The following IL1RAPL2 variants were observed in gnomAD, a reference collection of about 807,000 sequenced individuals.
The protein encoded by IL1RAPL2 is X-linked interleukin-1 receptor accessory protein-like 2.
Under a neutral mutation model 44.1 loss-of-function variants are expected in IL1RAPL2, and 3 were observed. That is an observed-to-expected ratio of 0.07 (90% CI 0.03 to 0.18). The LOEUF is 0.18. Ranked by LOEUF, IL1RAPL2 falls within the 10% of genes least tolerant of loss-of-function variation. The pLI is 1.00. For synonymous variants in IL1RAPL2, 181 were observed against 178.8 expected (o/e 1.01, Z -0.10); for missense variants, 391 against 496.4 (o/e 0.79, Z 2.02).
At chrX:105,369,396 C>T (rs1301407182) in intron 5 of IL1RAPL2, among the ~76,000 whole-genome samples, 1 of 110,679 alleles carries the variant, frequency 9.0e-6, no homozygotes, top group African/African-American at 3.3e-5. Context: ...ATTGGATTCC[C>T]CCAAATTAGA....
intron 2 of IL1RAPL2, among the ~76,000 whole-genome samples, chrX:105,028,540 G>A (rs976592641): frequency 9.0e-6 from 1 of 111,007 alleles, no homozygotes; most frequent in Non-Finnish European, 1.9e-5. Flanking sequence ...TTGCATTTTT[G>A]TATTAGGAAC....
chrX:104,703,137 T>A (rs1931306008), intron 2 of IL1RAPL2, among the ~76,000 whole-genome samples: 1 of 111,475 alleles, frequency 9.0e-6, no homozygotes, highest in Non-Finnish European at 1.9e-5. Flanking sequence ...AGGATGCTGG[T>A]CTAGCCTAGG....
intron 3 of IL1RAPL2, among the ~76,000 whole-genome samples, chrX:105,200,913 ACC>A (rs2033711885): frequency 9.2e-6 from 1 of 108,894 alleles, no homozygotes; most frequent in South Asian, 3.9e-4. Context: ...TCCGTTTCAC[ACC>A]CACACACACA....
intron 6 of IL1RAPL2, among the ~76,000 whole-genome samples, chrX:105,579,574 C>G (rs779016568): frequency 7.2e-5 from 8 of 111,206 alleles, no homozygotes; most frequent in Non-Finnish European, 1.5e-4. Context: ...CTACTAACAA[C>G]CACTGAGACT....
chrX:105,626,451 T>C (rs775387491), intron 6 of IL1RAPL2, among the ~76,000 whole-genome samples: 32 of 111,464 alleles, frequency 2.9e-4, no homozygotes, highest in South Asian at 1.1e-3. Context: ...CCTAGAGAGA[T>C]GGAAAACAGA....
At chrX:105,073,435 A>T (rs1380096740) in intron 2 of IL1RAPL2, among the ~76,000 whole-genome samples, 11 of 110,315 alleles carry the variant, frequency 1.0e-4, no homozygotes, top group African/African-American at 3.6e-4. Context: ...TTCTAAATCC[A>T]GTCTATCATT....
At chrX:105,619,219 G>A (rs2037402158) in intron 6 of IL1RAPL2, among the ~76,000 whole-genome samples, 1 of 107,093 alleles carries the variant, frequency 9.3e-6, no homozygotes, top group African/African-American at 3.4e-5. Flanking sequence ...AAAGGGTATG[G>A]AAAAGGCCTG....
At chrX:105,108,653 T>TA (rs200334677) in intron 2 of IL1RAPL2, among the ~76,000 whole-genome samples, 3 of 109,267 alleles carry the variant, frequency 2.7e-5, no homozygotes, top group Non-Finnish European at 5.7e-5. Context: ...GTTCTGTCAT[T>TA]TTTTGCACCA....
At chrX:104,585,321 T>A (rs1296809929) in intron 1 of IL1RAPL2, among the ~76,000 whole-genome samples, 9 of 19,327 alleles carry the variant, frequency 4.7e-4, no homozygotes, top group East Asian at 3.8e-3. Context: ...TAATATATAT[T>A]ATATATAATA....
chrX:105,101,883 C>G (rs750238163), intron 2 of IL1RAPL2, among the ~76,000 whole-genome samples: 1 of 111,990 alleles, frequency 8.9e-6, no homozygotes, highest in Non-Finnish European at 1.9e-5. Flanking sequence ...GTTTCAAAAT[C>G]AGTTATTGCC....
At chrX:104,918,356 G>A (rs1325916321) in intron 2 of IL1RAPL2, among the ~76,000 whole-genome samples, 2 of 111,085 alleles carry the variant, frequency 1.8e-5, no homozygotes, top group Admixed American at 9.6e-5. Context: ...GTATACTTTA[G>A]GTATCCTCAT....
intron 6 of IL1RAPL2, among the ~76,000 whole-genome samples, chrX:105,592,101 T>G (rs1022412544): frequency 8.9e-6 from 1 of 112,083 alleles, no homozygotes; most frequent in Non-Finnish European, 1.9e-5. Context: ...GGTGCTCCTG[T>G]GTTGGATGGA....
intron 2 of IL1RAPL2, among the ~76,000 whole-genome samples, chrX:105,071,437 A>G (rs56673844): frequency 0.016 from 1,842 of 111,687 alleles, 41 homozygotes; most frequent in African/African-American, 0.057. Flanking sequence ...AAATAGCCAT[A>G]GTACCCAAAG....
At chrX:104,882,431 T>C in intron 2 of IL1RAPL2, among the ~76,000 whole-genome samples, 1 of 112,270 alleles carries the variant, frequency 8.9e-6, no homozygotes, top group Non-Finnish European at 1.9e-5. Flanking sequence ...CTATGCCTTT[T>C]AACAATAACT....
At chrX:105,360,100 A>T (rs1253508594) in intron 5 of IL1RAPL2, among the ~76,000 whole-genome samples, 2 of 110,925 alleles carry the variant, frequency 1.8e-5, no homozygotes, top group Non-Finnish European at 3.8e-5. Flanking sequence ...CTATTACTAT[A>T]CTTAACTATT....
At chrX:104,911,622 C>T (rs1924240051) in intron 2 of IL1RAPL2, among the ~76,000 whole-genome samples, 1 of 111,787 alleles carries the variant, frequency 8.9e-6, no homozygotes, top group Admixed American at 9.5e-5. Flanking sequence ...TACTGCAGTA[C>T]TTTTAAAATG....
chrX:105,439,643 T>C (rs1382082252), intron 5 of IL1RAPL2, among the ~76,000 whole-genome samples: 8 of 111,407 alleles, frequency 7.2e-5, no homozygotes, highest in African/African-American at 2.6e-4. Flanking sequence ...TCTTCTCTTA[T>C]AAAATATTTT....
chrX:105,694,867 G>A (rs966889223), intron 6 of IL1RAPL2, among the ~76,000 whole-genome samples: 4 of 111,401 alleles, frequency 3.6e-5, no homozygotes, highest in African/African-American at 1.3e-4. Flanking sequence ...CACATAATAT[G>A]ATGAATTGAT....
chrX:105,436,864 A>G (rs1477245521), intron 5 of IL1RAPL2, among the ~76,000 whole-genome samples: 4 of 109,923 alleles, frequency 3.6e-5, no homozygotes, highest in Non-Finnish European at 5.7e-5. Flanking sequence ...AAATGTAGAT[A>G]ACACTCCCAA....
Sources: allele counts gnomAD v4.1 joint callset (sites outside exome capture counted in the v4.1 genomes callset), GRCh38; gene constraint gnomAD v4.1.1; transcripts MANE v1.5; gene names NCBI Gene and HGNC (gene_info 2026-07-23, HGNC 2026-07-21).